Variants in PLOD2 observed in about 807,000 individuals in gnomAD.
PLOD2 encodes the protein lysine hydroxylase 2.
In PLOD2, 65 loss-of-function variants were observed where a neutral mutation model predicts 101.0. The observed-to-expected ratio is 0.64, with a 90% CI of 0.53 to 0.79. The LOEUF (loss-of-function observed/expected upper bound fraction) is 0.79. Among genes scored for constraint, PLOD2 ranks in the 30% least tolerant of loss-of-function variants. PLOD2 has a pLI of 0.00. For synonymous variants in PLOD2, 314 were observed against 302.9 expected (o/e 1.04, Z -0.38); for missense variants, 909 against 914.6 (o/e 0.99, Z 0.08).
chr3:146,134,976 C>T (rs1512901), intron 1 of PLOD2, among the ~76,000 whole-genome samples: 77,958 of 152,060 alleles, frequency 0.51, 20,135 homozygotes, highest in African/African-American at 0.58. Context: ...CCTGATAAAG[C>T]GTGGTGTGAC....
intron 1 of PLOD2, among the ~76,000 whole-genome samples, chr3:146,125,421 A>G (rs1240455575): frequency 1.3e-5 from 2 of 152,200 alleles, no homozygotes; most frequent in Non-Finnish European, 2.9e-5. Flanking sequence ...ATGAAGATAA[A>G]CATCAACATT....
At chr3:146,155,483 G>A (rs2032260270) in intron 1 of PLOD2, among the ~76,000 whole-genome samples, 1 of 151,798 alleles carries the variant, frequency 6.6e-6, no homozygotes. Context: ...GAAGCCGAGG[G>A]GGTTGGATCA....
chr3:146,094,168 G>A (rs974244342), intron 7 of PLOD2, among the ~76,000 whole-genome samples: 5 of 152,168 alleles, frequency 3.3e-5, no homozygotes, highest in African/African-American at 1.2e-4. Flanking sequence ...ATATCAAAAT[G>A]TTTCCAAGTA....
chr3:146,123,230 T>TA, intron 2 of PLOD2: 1 of 836,212 alleles, frequency 1.2e-6, no homozygotes, highest in South Asian at 2.2e-5. Flanking sequence ...TTCTTCTTTT[T>TA]TAAAAAAAAA....
At chr3:146,099,415 G>A (rs909568747) in intron 7 of PLOD2, among the ~76,000 whole-genome samples, 1 of 152,076 alleles carries the variant, frequency 6.6e-6, no homozygotes, top group Non-Finnish European at 1.5e-5. Flanking sequence ...TTAAATTTTT[G>A]AGACACAATC....
rs1297766736 is a variant in PLOD2 at position 146,070,759 on chromosome 3, T to G, written c.2235A>C (p.Lys745Asn). 5.6e-6 allele frequency: 9 copies of G among 1,609,398 alleles called. No homozygotes were observed. In the South Asian group the frequency reaches 9.9e-5, roughly 18 times the overall value. The part of the protein sequence containing the change: ...LTHLHEGLPV[K>N]NGTRYIAVSF... The stretch of plus-strand genomic sequence containing the variant: ...ACACTGCAATGTATCTTGTTCCATT[T>G]TTAACAGGAAGTCCTTCATGCAAAT... Residue 745 changes from lysine (K) to asparagine (N), a missense_variant, in exon 20 of 20, where the codon AAA (lysine) becomes AAC (asparagine). By Grantham distance (94) the Lys-to-Asn change is moderately conservative. Coordinates refer to ENST00000282903, the MANE Select transcript of PLOD2 (RefSeq NM_182943.3).
At chr3:146,109,843 T>A (rs1321220518) in intron 4 of PLOD2, among the ~76,000 whole-genome samples, 1 of 152,200 alleles carries the variant, frequency 6.6e-6, no homozygotes, top group Non-Finnish European at 1.5e-5. Context: ...ATTTATTTAA[T>A]CCCATAATGT....
chr3:146,143,441 G>A (rs1331337470), intron 1 of PLOD2, among the ~76,000 whole-genome samples: 1 of 151,932 alleles, frequency 6.6e-6, no homozygotes, highest in East Asian at 1.9e-4. Context: ...CCCCATCTAA[G>A]TTGACCACAA....
chr3:146,136,053 A>C (rs754729006), intron 1 of PLOD2, among the ~76,000 whole-genome samples: 2 of 152,084 alleles, frequency 1.3e-5, no homozygotes, highest in Admixed American at 1.3e-4. Flanking sequence ...TTTTGATTGT[A>C]TGATTTTTTT....
At chr3:146,102,215 T>C (rs1046462523) in intron 7 of PLOD2, among the ~76,000 whole-genome samples, 18 of 152,242 alleles carry the variant, frequency 1.2e-4, no homozygotes, top group African/African-American at 3.9e-4. Flanking sequence ...TTTTCATCTA[T>C]AAATTTTGCA....
chr3:146,114,886 C>G (rs1212777313), intron 3 of PLOD2, among the ~76,000 whole-genome samples: 1 of 152,186 alleles, frequency 6.6e-6, no homozygotes, highest in African/African-American at 2.4e-5. Context: ...CGGAACAGCA[C>G]AGGCTCTGAG....
Position 146,161,165 on chromosome 3 carries a change from C to A in PLOD2, c.-176G>T, listed in dbSNP as rs1453379303. 2.5e-6 allele frequency: 1 copy of A among 401,436 alleles called. No homozygotes were observed. Among genetic ancestry groups the A allele is most frequent in the South Asian group, 7.0e-5 (1 of 14,228 alleles). The allele number at this position is 401,436 out of a possible 1,614,324, so 24.9% of individuals were successfully genotyped here. On this transcript the variant is annotated 5_prime_UTR_variant, in exon 1 of 20. Coordinates refer to ENST00000282903, the MANE Select transcript of PLOD2 (RefSeq NM_182943.3). ...GCGTAACGCAGCTGAGTGAGGTCGT[C>A]GGTGGAGGCACGGAGCAGCAGGCGC...
At chr3:146,087,369 T>C (rs1559840589) in intron 9 of PLOD2, among the ~76,000 whole-genome samples, 1 of 151,876 alleles carries the variant, frequency 6.6e-6, no homozygotes, top group Admixed American at 6.6e-5. Context: ...AATCACATTT[T>C]ACAAAATACC....
At chr3:146,080,267 T>C (rs1337286514) in intron 12 of PLOD2, among the ~76,000 whole-genome samples, 1 of 151,930 alleles carries the variant, frequency 6.6e-6, no homozygotes, top group Non-Finnish European at 1.5e-5. Context: ...TATAATAAAG[T>C]TTAATTTATA....
chr3:146,075,547 A>G (rs1480741606), intron 15 of PLOD2, among the ~76,000 whole-genome samples: 3 of 150,840 alleles, frequency 2.0e-5, no homozygotes, highest in Non-Finnish European at 3.0e-5. Context: ...TGTTTCTTCA[A>G]GTTAAGACTC....
At chr3:146,112,237 T>G (rs781763272) in intron 3 of PLOD2, among the ~76,000 whole-genome samples, 12 of 152,142 alleles carry the variant, frequency 7.9e-5, no homozygotes, top group Non-Finnish European at 1.8e-4. Context: ...AGCAAAGACT[T>G]GGAACCAACC....
rs200626888 is a variant in PLOD2 at position 146,160,833 on chromosome 3, C to A, written c.109+48G>T. On this transcript the variant is annotated intron_variant, in intron 1 of 19. Coordinates refer to ENST00000282903, the MANE Select transcript of PLOD2 (RefSeq NM_182943.3). ...GGCTGGTGGATGAATGAACTGCCCCCCCGCCGGCCGAGCCTCGCGGGACAG... is the reference window on the plus strand; with the variant it reads ...GGCTGGTGGATGAATGAACTGCCCCACCGCCGGCCGAGCCTCGCGGGACAG... 822 of 1,233,000 alleles carry A rather than the reference C, an allele frequency of 6.7e-4. 2 individuals carry two copies. In the African/African-American group the frequency reaches 8.5e-3, roughly 13 times the overall value. 76.4% of individuals were successfully genotyped at this position (1,233,000 alleles called of 1,614,324 possible).
At chr3:146,102,644 C>G in intron 7 of PLOD2, 111 bp downstream of exon 7, 1 of 664,338 alleles carries the variant, frequency 1.5e-6, no homozygotes, top group Admixed American at 2.5e-5. Flanking sequence ...TATTTTAGCA[C>G]CAAAATAAAG....
intron 3 of PLOD2, among the ~76,000 whole-genome samples, chr3:146,119,665 T>A (rs2029904584): frequency 6.6e-6 from 1 of 152,044 alleles, no homozygotes; most frequent in Non-Finnish European, 1.5e-5. Flanking sequence ...ATTGTTCAAT[T>A]CCCACCTATG....
Sources: allele counts gnomAD v4.1 joint callset (sites outside exome capture counted in the v4.1 genomes callset), GRCh38; gene constraint gnomAD v4.1.1; transcripts MANE v1.5; gene names NCBI Gene and HGNC (gene_info 2026-07-23, HGNC 2026-07-21).